Variants in NEDD4L observed in about 807,000 individuals in gnomAD.
The protein encoded by NEDD4L is NEDD4 like E3 ubiquitin protein ligase, also known as E3 ubiquitin-protein ligase NEDD4-like.
NEDD4L carries 54 observed loss-of-function variants against 148.9 expected under a neutral mutation model. The ratio of observed to expected loss-of-function variants is 0.36; its 90% CI spans 0.29 to 0.45. The LOEUF is 0.45. Among genes scored for constraint, NEDD4L ranks in the 20% least tolerant of loss-of-function variants. The pLI is 1.00. For missense variants in NEDD4L, 856 were observed against 1,233.8 expected (o/e 0.69, Z 4.59); for synonymous variants, 433 against 440.7 (o/e 0.98, Z 0.22).
At position 58,341,723 on chromosome 18, in the gene NEDD4L, C is replaced by A. The variant is rs1284574461; in HGVS notation, c.1303C>A (p.His435Asn). 1 of 1,613,766 alleles carries A rather than the reference C, an allele frequency of 6.2e-7. No individual in the cohort carries two copies. The highest frequency in any genetic ancestry group is 8.5e-7 in the Non-Finnish European group (1 of 1,179,884). Residue 435 changes from histidine to asparagine, a missense_variant, in exon 15 of 31, where the codon CAT (histidine) becomes AAT (asparagine). By Grantham distance (68) the His-to-Asn change is moderately conservative (BLOSUM62 1). Coordinates refer to ENST00000400345, the MANE Select transcript of NEDD4L (RefSeq NM_001144967.3). Reference sequence around the variant, plus strand: ...CGGATCAGCCACAAACAGTAACAACCATCTAATCGAGCCTCAGATCCGCCG... The same window carrying A: ...CGGATCAGCCACAAACAGTAACAACAATCTAATCGAGCCTCAGATCCGCCG... ...ASGSATNSNNHLIEPQIRRPR... is the reference protein window; with the variant it reads ...ASGSATNSNNNLIEPQIRRPR...
intron 28 of NEDD4L, chr18:58,390,420 G>T: frequency 2.3e-6 from 1 of 433,182 alleles, no homozygotes; most frequent in Non-Finnish European, 4.2e-6. Flanking sequence ...ATTTATTTTG[G>T]CCTATTGGCA....
chr18:58,368,092 G>A (rs2046351057), intron 22 of NEDD4L, among the ~76,000 whole-genome samples: 1 of 152,034 alleles, frequency 6.6e-6, no homozygotes, highest in African/African-American at 2.4e-5. Flanking sequence ...TTTAACTTCA[G>A]TGTAAAACAC....
chr18:58,326,140 G>T (rs2144483200), intron 9 of NEDD4L, among the ~76,000 whole-genome samples: 1 of 152,298 alleles, frequency 6.6e-6, no homozygotes, highest in South Asian at 2.1e-4. Context: ...TTTAGAAATT[G>T]TAAAGATACT....
chr18:58,281,367 G>A (rs1473179241), intron 5 of NEDD4L, among the ~76,000 whole-genome samples: 1 of 150,914 alleles, frequency 6.6e-6, no homozygotes, highest in Non-Finnish European at 1.5e-5. Context: ...ACTTCCAACA[G>A]AATACCTTAG....
chr18:58,200,350 A>C (rs2041250058), intron 2 of NEDD4L, among the ~76,000 whole-genome samples: 1 of 152,126 alleles, frequency 6.6e-6, no homozygotes, highest in African/African-American at 2.4e-5. Context: ...GTCAACTGGA[A>C]GTGCTACCAG....
Position 58,255,862 on chromosome 18 carries a change from C to A in NEDD4L, c.297+3808C>A, listed in dbSNP as rs2048458729. 2.4e-6 allele frequency: 3 copies of A among 1,232,440 alleles called. No individual in the cohort carries two copies. The South Asian group carries it at 1.2e-4, about 51-fold the overall frequency. The allele number at this position is 1,232,440 out of a possible 1,614,324, so 76.3% of individuals were successfully genotyped here. A position where few individuals can be genotyped will look rare whatever the true frequency, so the allele number is the denominator to read the frequency against. ...TTAAGCGGAGCTCGTCCATGTTCAT[C>A]CCGCAGCTCTTGACCAGCATCGACG... On this transcript the variant is annotated intron_variant, in intron 5 of 30. Coordinates refer to ENST00000400345, the MANE Select transcript of NEDD4L (RefSeq NM_001144967.3).
At chr18:58,321,106 T>G (rs978305306) in intron 6 of NEDD4L, among the ~76,000 whole-genome samples, 1 of 152,198 alleles carries the variant, frequency 6.6e-6, no homozygotes, top group Non-Finnish European at 1.5e-5. Flanking sequence ...GCACCGGTGA[T>G]CCAATGGTGA....
At chr18:58,059,845 G>A (rs1315811677) in intron 1 of NEDD4L, among the ~76,000 whole-genome samples, 1 of 152,128 alleles carries the variant, frequency 6.6e-6, no homozygotes, top group Non-Finnish European at 1.5e-5. Flanking sequence ...ATTCCGCAGT[G>A]TGTATGTATT....
At chr18:58,330,958 ATT>A (rs2059740479) in intron 11 of NEDD4L, 44 bp downstream of exon 11, 1 of 1,592,824 alleles carries the variant, frequency 6.3e-7, no homozygotes, top group South Asian at 1.1e-5. Flanking sequence ...GCAATGTTTT[ATT>A]GTTTTTTGTT....
In NEDD4L at chr18:58,256,702, G is replaced by A. The variant is rs1228491568; in HGVS notation, c.297+4648G>A. On this transcript the variant is annotated intron_variant, in intron 5 of 30. Transcript: ENST00000400345. The surrounding 1 kb of genome is among the most constrained non-coding windows in gnomAD (Gnocchi z 5.2). ...ATTTTAGAATTCTTGTAACCCGGGGGCCGGAAGAAGCTCCCCAGAATCCCG... is the reference window on the plus strand; with the variant it reads ...ATTTTAGAATTCTTGTAACCCGGGGACCGGAAGAAGCTCCCCAGAATCCCG... The A allele has an allele frequency of 7.2e-5, 89 of 1,232,110 alleles. No homozygotes were observed. The highest frequency in any genetic ancestry group is 8.9e-5 in the Non-Finnish European group (88 of 988,076). The allele number at this position is 1,232,110 out of a possible 1,614,324, so 76.3% of individuals were successfully genotyped here.
rs1568700951 is a variant in NEDD4L, at chr18:58,324,988, T to A, written c.514-8T>A. 6.2e-7 allele frequency: 1 copy of A among 1,611,696 alleles called. No individual in the cohort carries two copies. On this transcript the variant is annotated splice_region_variant and splice_polypyrimidine_tract_variant and intron_variant, in intron 8 of 30. Coordinates refer to ENST00000400345, the MANE Select transcript of NEDD4L (RefSeq NM_001144967.3). ...CCTCATAATCGTCCCTTTAACTTTA[T>A]TCCGCAGCATGGATGGGAAGTTGTT...
chr18:58,325,303 C>G, intron 9 of NEDD4L, 141 bp downstream of exon 9: 1 of 980,976 alleles, frequency 1.0e-6, no homozygotes, highest in Non-Finnish European at 1.5e-6. Context: ...GATTCCTCTC[C>G]ATTTACGTAA....
chr18:58,267,142 T>G (rs1031472273), intron 5 of NEDD4L, among the ~76,000 whole-genome samples: 2 of 152,070 alleles, frequency 1.3e-5, no homozygotes, highest in Admixed American at 1.3e-4. Context: ...GCAATTTTAT[T>G]ATTTTTCGCT....
chr18:58,076,347 C>T (rs2083157541), intron 1 of NEDD4L, among the ~76,000 whole-genome samples: 1 of 152,068 alleles, frequency 6.6e-6, no homozygotes, highest in Non-Finnish European at 1.5e-5. Context: ...AATAGAACAC[C>T]TTCGTTTCTA....
intron 5 of NEDD4L, among the ~76,000 whole-genome samples, chr18:58,276,083 A>C (rs1216874710): frequency 6.6e-6 from 1 of 152,110 alleles, no homozygotes; most frequent in African/African-American, 2.4e-5. Context: ...TTAATAGCAA[A>C]AAAATATTAC....
At chr18:58,358,636 TTC>T (rs34841803) in intron 19 of NEDD4L, among the ~76,000 whole-genome samples, 55,317 of 151,882 alleles carry the variant, frequency 0.36, 11,285 homozygotes, top group African/African-American at 0.55. Context: ...GCTCTCTGCT[TTC>T]TGTTAATAAA....
intron 16 of NEDD4L, among the ~76,000 whole-genome samples, chr18:58,345,330 A>G (rs1460251495): frequency 2.0e-5 from 3 of 152,244 alleles, no homozygotes; most frequent in Non-Finnish European, 2.9e-5. Flanking sequence ...TCATTTTGAC[A>G]AAAGATGAAG....
intron 6 of NEDD4L, among the ~76,000 whole-genome samples, chr18:58,316,748 C>G (rs1240857848): frequency 6.6e-6 from 1 of 152,206 alleles, no homozygotes; most frequent in East Asian, 1.9e-4. Flanking sequence ...AAGGTGGATC[C>G]CCATCTCCTA....
intron 26 of NEDD4L, among the ~76,000 whole-genome samples, chr18:58,386,192 A>G (rs2048994189): frequency 1.3e-5 from 2 of 152,152 alleles, no homozygotes; most frequent in South Asian, 4.1e-4. Flanking sequence ...AGCTGGGACT[A>G]CAGGCACGCG....
Sources: gnomAD v4.1 joint callset for allele counts (sites outside exome capture counted in the v4.1 genomes callset) on GRCh38, gnomAD v4.1.1 for gene constraint, Gnocchi (gnomAD v3.1) non-coding constraint, MANE v1.5 for transcripts, NCBI Gene and HGNC (gene_info 2026-07-23, HGNC 2026-07-21) for gene names.